PLAC1: variants seen among roughly 807,000 people sequenced by gnomAD.
PLAC1 encodes placenta-specific protein 1.
For missense variants in PLAC1, 136 were observed against 163.2 expected (o/e 0.83, Z 0.91); for synonymous variants, 68 against 62.1 (o/e 1.09, Z -0.44).
At chrX:134,726,498 T>C (rs1287308538) in intron 2 of PLAC1, among the ~76,000 whole-genome samples, 1 of 111,865 alleles carries the variant, frequency 8.9e-6, no homozygotes, top group Non-Finnish European at 1.9e-5. Flanking sequence ...AGGTTGATGC[T>C]TAAGGAATAT....
At chrX:134,655,784 A>G (rs987434147) in intron 1 of PLAC1, among the ~76,000 whole-genome samples, 1 of 112,521 alleles carries the variant, frequency 8.9e-6, no homozygotes, top group Admixed American at 9.4e-5. Flanking sequence ...TAATAGCAAT[A>G]ATAATAAAAG....
intron 2 of PLAC1, among the ~76,000 whole-genome samples, chrX:134,703,252 G>A (rs1170765514): frequency 8.9e-6 from 1 of 111,848 alleles, no homozygotes; most frequent in Non-Finnish European, 1.9e-5. Context: ...ACAAATCATA[G>A]TGAAAACAAA....
chrX:134,747,181 C>A, intron 1 of PLAC1, among the ~76,000 whole-genome samples: 1 of 111,766 alleles, frequency 8.9e-6, no homozygotes. Flanking sequence ...GGTGGAACAC[C>A]ACCGACCACC....
intron 1 of PLAC1, among the ~76,000 whole-genome samples, chrX:134,733,810 G>C (rs909730356): frequency 9.0e-6 from 1 of 110,765 alleles, no homozygotes; most frequent in Non-Finnish European, 1.9e-5. Flanking sequence ...AGTGAGAGGT[G>C]AGAGGGAAAA....
At chrX:134,735,497 A>G (rs1452170648) in intron 1 of PLAC1, among the ~76,000 whole-genome samples, 1 of 111,645 alleles carries the variant, frequency 9.0e-6, no homozygotes, top group African/African-American at 3.3e-5. Flanking sequence ...AGTGTTTAAC[A>G]GACTACTTAG....
chrX:134,741,061 G>C (rs905816973), intron 1 of PLAC1, among the ~76,000 whole-genome samples: 4 of 112,210 alleles, frequency 3.6e-5, no homozygotes, highest in African/African-American at 9.7e-5. Flanking sequence ...GGTTACACGG[G>C]TATGTTCATT....
chrX:134,577,901 G>A (rs2077949017), intron 2 of PLAC1, among the ~76,000 whole-genome samples: 1 of 109,875 alleles, frequency 9.1e-6, no homozygotes, highest in Non-Finnish European at 1.9e-5. Flanking sequence ...TCTCTTGAAA[G>A]TCTTACAATG....
intron 2 of PLAC1, among the ~76,000 whole-genome samples, chrX:134,701,246 G>A (rs1458994417): frequency 1.8e-5 from 2 of 111,774 alleles, no homozygotes; most frequent in East Asian, 5.6e-4. Context: ...GCAGAAGAAT[G>A]AAACTGGACC....
chrX:134,711,329 T>C (rs1312143257), intron 2 of PLAC1, among the ~76,000 whole-genome samples: 1 of 112,697 alleles, frequency 8.9e-6, no homozygotes, highest in African/African-American at 3.2e-5. Flanking sequence ...GCAAGATTTA[T>C]AGAAACACAG....
At chrX:134,638,244 C>T (rs2078292402) in intron 1 of PLAC1, among the ~76,000 whole-genome samples, 1 of 112,177 alleles carries the variant, frequency 8.9e-6, no homozygotes, top group South Asian at 3.7e-4. Context: ...TTCATTGTTA[C>T]TTTTACAAAG....
At chrX:134,736,146 T>G (rs1016122340) in intron 1 of PLAC1, among the ~76,000 whole-genome samples, 11 of 109,426 alleles carry the variant, frequency 1.0e-4, no homozygotes, top group Non-Finnish European at 7.6e-5. Flanking sequence ...TGTGGTGGCA[T>G]GCGCCTGTAG....
chrX:134,750,927 T>TTA lies in PLAC1; in HGVS notation n.89+13305_89+13306dup, dbSNP rs1556199806. ...TATATATATTTATATATATATATTT[T>TTA]TATATATATATATTTATAAATATAT... On this transcript the variant is annotated intron_variant and non_coding_transcript_variant, in intron 1 of 2. Coordinates refer to the PLAC1 transcript ENST00000466797. 8.7e-5 allele frequency among the ~76,000 whole-genome samples: 2 copies of TTA among 22,954 alleles called. 1 individual carries two copies. Among genetic ancestry groups the TTA allele is most frequent in the African/African-American group, 7.7e-4 (2 of 2,593 alleles). 19.9% of individuals were successfully genotyped at this position (22,954 alleles called of 115,157 possible).
chrX:134,600,359 G>A (rs2078082665), intron 2 of PLAC1, among the ~76,000 whole-genome samples: 1 of 111,332 alleles, frequency 9.0e-6, no homozygotes, highest in Non-Finnish European at 1.9e-5. Flanking sequence ...GTATAATGAG[G>A]TTTTGCCACG....
intron 1 of PLAC1, among the ~76,000 whole-genome samples, chrX:134,644,854 G>A (rs1226476582): frequency 9.0e-6 from 1 of 111,266 alleles, no homozygotes; most frequent in Non-Finnish European, 1.9e-5. Flanking sequence ...TCTAGTCCAG[G>A]CGCATGTCAA....
chrX:134,673,506 T>C (rs897066123), intron 2 of PLAC1, among the ~76,000 whole-genome samples: 2 of 110,310 alleles, frequency 1.8e-5, no homozygotes, highest in South Asian at 4.0e-4. Flanking sequence ...GAAAGTCTCA[T>C]CATAGTCTCA....
At chrX:134,611,323 G>T (rs998606276) in intron 1 of PLAC1, among the ~76,000 whole-genome samples, 18 of 110,452 alleles carry the variant, frequency 1.6e-4, no homozygotes, top group African/African-American at 5.3e-4. Flanking sequence ...TGTAATTTAT[G>T]TATGAGAGAT....
chrX:134,639,667 C>A (rs1047463562), intron 1 of PLAC1, among the ~76,000 whole-genome samples: 1 of 112,108 alleles, frequency 8.9e-6, no homozygotes, highest in Non-Finnish European at 1.9e-5. Flanking sequence ...TAACCATCAC[C>A]TCTATCTAGT....
At chrX:134,741,289 A>C (rs2078716336) in intron 1 of PLAC1, among the ~76,000 whole-genome samples, 1 of 112,337 alleles carries the variant, frequency 8.9e-6, no homozygotes, top group Non-Finnish European at 1.9e-5. Context: ...AAATCAAAAA[A>C]GTATACCCGT....
chrX:134,696,813 G>A (rs2078565284), intron 2 of PLAC1, among the ~76,000 whole-genome samples: 1 of 109,916 alleles, frequency 9.1e-6, no homozygotes, highest in Non-Finnish European at 1.9e-5. Context: ...AGGATCACGA[G>A]GTCAGGAGAT....
Sources: allele counts gnomAD v4.1 joint callset (sites outside exome capture counted in the v4.1 genomes callset), GRCh38; gene constraint gnomAD v4.1.1; transcripts MANE v1.5; gene names NCBI Gene and HGNC (gene_info 2026-07-23, HGNC 2026-07-21).